The following KMT2C variants were observed in gnomAD, a reference collection of about 807,000 sequenced individuals.
KMT2C encodes the protein histone-lysine N-methyltransferase 2C.
KMT2C carries 88 observed loss-of-function variants against 507.9 expected under a neutral mutation model. The ratio of observed to expected loss-of-function variants is 0.17; its 90% CI spans 0.15 to 0.21. KMT2C has a LOEUF of 0.21. Among genes scored for constraint, KMT2C ranks in the 10% least tolerant of loss-of-function variants. The pLI, the probability that KMT2C is intolerant of heterozygous loss-of-function variation, is 1.00. For synonymous variants in KMT2C, 2,049 were observed against 2,080.8 expected, an observed-to-expected ratio of 0.98 and a Z score of 0.42; for missense variants, 4,954 against 5,957.8, an observed-to-expected ratio of 0.83 and a Z score of 5.55.
At chr7:152,296,432 CAAAA>C (rs551986657) in intron 6 of KMT2C, among the ~76,000 whole-genome samples, 1 of 98,754 alleles carries the variant, frequency 1.0e-5, no homozygotes, top group Non-Finnish European at 2.2e-5. Context: ...AACTCCATCT[CAAAA>C]AAAAAAAAAA....
chr7:152,339,097 G>A (rs2096965976), intron 2 of KMT2C, among the ~76,000 whole-genome samples: 1 of 152,096 alleles, frequency 6.6e-6, no homozygotes, highest in Non-Finnish European at 1.5e-5. Flanking sequence ...AGCATAACAG[G>A]CTATGTCAAA....
intron 39 of KMT2C, among the ~76,000 whole-genome samples, chr7:152,171,769 AGTCT>A (rs2092972594): frequency 6.6e-6 from 1 of 152,266 alleles, no homozygotes; most frequent in African/African-American, 2.4e-5. Flanking sequence ...TTCTCATTCC[AGTCT>A]GTGTTAAAAA....
intron 23 of KMT2C, among the ~76,000 whole-genome samples, chr7:152,210,539 G>GT (rs879375465): frequency 0.015 from 2,114 of 144,930 alleles, 39 homozygotes; most frequent in African/African-American, 0.043. Context: ...CTTTTTATGA[G>GT]TTTTTTTTTT....
At chr7:152,280,648 G>A (rs913827284) in intron 6 of KMT2C, among the ~76,000 whole-genome samples, 1 of 152,132 alleles carries the variant, frequency 6.6e-6, no homozygotes, top group Non-Finnish European at 1.5e-5. Context: ...CTTCCACCCA[G>A]GTAACACCTT....
intron 2 of KMT2C, among the ~76,000 whole-genome samples, chr7:152,347,135 G>T (rs937467070): frequency 1.3e-5 from 2 of 152,068 alleles, no homozygotes; most frequent in Non-Finnish European, 2.9e-5. Context: ...GAAAAGAAAA[G>T]AAAATCATAA....
intron 52 of KMT2C, 40 bp downstream of exon 52, chr7:152,147,993 A>G (rs2091309583): frequency 1.2e-5 from 18 of 1,504,034 alleles, no homozygotes; most frequent in Non-Finnish European, 1.6e-5. Context: ...CTGACATCAG[A>G]GTAAGTAGCA....
chr7:152,193,112 GC>G (rs2093854027), intron 31 of KMT2C, among the ~76,000 whole-genome samples: 1 of 152,180 alleles, frequency 6.6e-6, no homozygotes, highest in Non-Finnish European at 1.5e-5. Context: ...GGAGATCGCA[GC>G]TGACGTGAGT....
At chr7:152,188,365 T>C (rs186559291) in intron 31 of KMT2C, among the ~76,000 whole-genome samples, 1 of 152,232 alleles carries the variant, frequency 6.6e-6, no homozygotes, top group East Asian at 1.9e-4. Flanking sequence ...CTGTAAACCG[T>C]AGGTATTCTG....
intron 23 of KMT2C, among the ~76,000 whole-genome samples, chr7:152,213,835 T>TA: frequency 6.7e-6 from 1 of 150,084 alleles, no homozygotes; most frequent in Non-Finnish European, 1.5e-5. Context: ...GATAAGGGGT[T>TA]AAAATCCAAA....
chr7:152,308,546 G>A (rs558817443), intron 6 of KMT2C, among the ~76,000 whole-genome samples: 78 of 151,528 alleles, frequency 5.1e-4, no homozygotes, highest in Non-Finnish European at 1.0e-3. Context: ...GTGGTGGCAC[G>A]AGCCTATAAT....
At chr7:152,227,836 C>T (rs1002117359) in intron 18 of KMT2C, among the ~76,000 whole-genome samples, 1 of 152,114 alleles carries the variant, frequency 6.6e-6, no homozygotes, top group Non-Finnish European at 1.5e-5. Flanking sequence ...GCACAATTAC[C>T]ACAGCTTGCA....
chr7:152,145,372 G>T, intron 53 of KMT2C, 77 bp from the exon 54 acceptor site: 11 of 1,426,338 alleles, frequency 7.7e-6, no homozygotes, highest in Non-Finnish European at 1.1e-5. Context: ...GTCAAAGGAT[G>T]GCCCACGACA....
At chr7:152,212,397 T>C (rs150766913) in intron 23 of KMT2C, among the ~76,000 whole-genome samples, 5 of 152,180 alleles carry the variant, frequency 3.3e-5, no homozygotes, top group Admixed American at 2.6e-4. Flanking sequence ...TTAACACTTA[T>C]ATTCAACATA....
chr7:152,174,653 C>A (rs1179409925), intron 38 of KMT2C, among the ~76,000 whole-genome samples: 1 of 151,982 alleles, frequency 6.6e-6, no homozygotes, highest in Admixed American at 6.6e-5. Context: ...AAGGGTATAA[C>A]CTCTCAATAA....
In KMT2C at chr7:152,162,547, C is replaced by G. The variant is rs138012441; in HGVS notation, c.11030G>C (p.Cys3677Ser). 6.2e-7 allele frequency: 1 copy of G among 1,614,228 alleles called. No individual in the cohort carries two copies. Among genetic ancestry groups the G allele is most frequent in the Non-Finnish European group, 8.5e-7 (1 of 1,180,044 alleles). The change falls in exon 43 of 59, where the codon TGT (cysteine) becomes TCT (serine). Residue 3677 changes from cysteine (C) to serine (S), a missense_variant. Transcript: ENST00000262189. ...GGGCAGTTTGTTCTCTAATTCTGTACATAGCTGGCCTGCTGCCATATTGGG... is the reference window on the plus strand; with the variant it reads ...GGGCAGTTTGTTCTCTAATTCTGTAGATAGCTGGCCTGCTGCCATATTGGG... ...STPNMAAGQL[C>S]TELENKLPNS...
chr7:152,389,913 G>A (rs2116536380), intron 1 of KMT2C, among the ~76,000 whole-genome samples: 1 of 152,284 alleles, frequency 6.6e-6, no homozygotes, highest in East Asian at 1.9e-4. Context: ...GATGGAGCTG[G>A]AGGCTACACT....
At position 152,248,412 on chromosome 7, in the gene KMT2C, T is replaced by C. The variant is rs771550463; in HGVS notation, c.2022A>G (p.Glu674=). The C allele has an allele frequency of 6.2e-7, 1 of 1,614,100 alleles. No individual in the cohort carries two copies. Among genetic ancestry groups the C allele is most frequent in the South Asian group, 1.1e-5 (1 of 91,072 alleles). ...QEQLQLLEEP[E]TVVSREESRP... is the part of the protein sequence containing the mutation. ...TTGATTCTTCTCTGGATACCACTGT[T>C]TCAGGTTCCTCTAACAACTGCAGTT... The change falls in exon 14 of 59, where the codon GAA becomes GAG. Residue 674 remains glutamate (E), a synonymous_variant. Transcript: ENST00000262189.
chr7:152,377,749 A>C (rs1330552037), intron 1 of KMT2C, among the ~76,000 whole-genome samples: 1 of 151,742 alleles, frequency 6.6e-6, no homozygotes, highest in Non-Finnish European at 1.5e-5. Context: ...AAAAAAAAAA[A>C]AAAAAGTGAT....
At chr7:152,307,910 T>C (rs902249770) in intron 6 of KMT2C, among the ~76,000 whole-genome samples, 1 of 152,312 alleles carries the variant, frequency 6.6e-6, no homozygotes, top group Middle Eastern at 3.4e-3. Flanking sequence ...AAAAAGCTCA[T>C]TTAGCCTTTG....
Sources: allele counts gnomAD v4.1 joint callset (sites outside exome capture counted in the v4.1 genomes callset), GRCh38; gene constraint gnomAD v4.1.1; transcripts MANE v1.5; gene names NCBI Gene and HGNC (gene_info 2026-07-23, HGNC 2026-07-21).